Variants in SHANK2 observed in about 807,000 individuals in gnomAD.
SHANK2 encodes SH3 and multiple ankyrin repeat domains protein 2.
Under a neutral mutation model 133.7 loss-of-function variants are expected in SHANK2, and 43 were observed. The observed-to-expected ratio is 0.32, with a 90% CI of 0.25 to 0.41. The LOEUF is 0.41. SHANK2 is among the 10% of genes least tolerant of loss of function. The pLI is 1.00. For synonymous variants in SHANK2, 1,017 were observed against 952.8 expected, an observed-to-expected ratio of 1.07 and a Z score of -1.24; for missense variants, 1,994 against 2,235.8, an observed-to-expected ratio of 0.89 and a Z score of 2.18.
At chr11:70,510,056 G>A (rs1469246877) in intron 17 of SHANK2, among the ~76,000 whole-genome samples, 1 of 152,158 alleles carries the variant, frequency 6.6e-6, no homozygotes, top group Non-Finnish European at 1.5e-5. Flanking sequence ...ATTGTACCAG[G>A]CTTGAGATGG....
At chr11:70,768,531 G>T (rs1277226337) in intron 14 of SHANK2, among the ~76,000 whole-genome samples, 1 of 152,188 alleles carries the variant, frequency 6.6e-6, no homozygotes, top group Non-Finnish European at 1.5e-5. Flanking sequence ...AGCAGAGAGA[G>T]CTGGGTGCCT....
chr11:70,846,194 C>T (rs1034858192), intron 11 of SHANK2, among the ~76,000 whole-genome samples: 1 of 152,106 alleles, frequency 6.6e-6, no homozygotes, highest in African/African-American at 2.4e-5. Flanking sequence ...AACGGAGGCA[C>T]CCCTCTTCTT....
chr11:70,722,007 T>G (rs572406458), intron 14 of SHANK2, among the ~76,000 whole-genome samples: 1 of 152,326 alleles, frequency 6.6e-6, no homozygotes, highest in Non-Finnish European at 1.5e-5. Flanking sequence ...GCACTCAAGG[T>G]GACTGCAGGA....
Position 70,581,686 on chromosome 11 carries a change from GTCAA to G in SHANK2, c.2061+78138_2061+78141del, listed in dbSNP as rs200049317. Among the ~76,000 whole-genome samples, 148 of 152,114 alleles carry G rather than the reference GTCAA, an allele frequency of 9.7e-4. 1 individual carries two copies. Among genetic ancestry groups the G allele is most frequent in the African/African-American group, 3.1e-3 (130 of 41,514 alleles). ...AGCCTGGGTGACCGAGCGAGACTCT[GTCAA>G]TCAATCAATCAATCAATCAATCAAG... On this transcript the variant is annotated intron_variant, in intron 17 of 25. Coordinates refer to ENST00000601538, the MANE Select transcript of SHANK2 (RefSeq NM_012309.5).
At chr11:70,611,271 G>A (rs1280707919) in intron 17 of SHANK2, among the ~76,000 whole-genome samples, 1 of 152,240 alleles carries the variant, frequency 6.6e-6, no homozygotes, top group Non-Finnish European at 1.5e-5. Flanking sequence ...TATCAGTGTT[G>A]CAAAGGGCAT....
intron 22 of SHANK2, among the ~76,000 whole-genome samples, chr11:70,492,045 C>G (rs2135759733): frequency 6.6e-6 from 1 of 152,358 alleles, no homozygotes; most frequent in East Asian, 1.9e-4. Context: ...GTCAAGGCCC[C>G]TTACTTCCAT....
At chr11:70,483,054 C>T (rs1434309022) in intron 25 of SHANK2, among the ~76,000 whole-genome samples, 1 of 152,154 alleles carries the variant, frequency 6.6e-6, no homozygotes, top group Non-Finnish European at 1.5e-5. Context: ...TGCAGGATGC[C>T]CTGCTGACCT....
chr11:70,539,079 G>A (rs1343027634), intron 17 of SHANK2, among the ~76,000 whole-genome samples: 1 of 152,226 alleles, frequency 6.6e-6, no homozygotes, highest in Non-Finnish European at 1.5e-5. Flanking sequence ...TTCTAACAGG[G>A]TGGCTAACTG....
intron 6 of SHANK2, among the ~76,000 whole-genome samples, chr11:71,098,189 G>A (rs782619136): frequency 6.6e-5 from 10 of 150,820 alleles, no homozygotes; most frequent in Non-Finnish European, 1.2e-4. Flanking sequence ...ATGCCTGTGT[G>A]TATGTGTACA....
rs1555148995 is a variant in SHANK2, at chr11:70,472,993, T to G, written c.5426A>C (p.Asp1809Ala). Residue 1809 changes from aspartate (D) to alanine (A), a missense_variant, in exon 26 of 26, where the codon GAC (aspartate) becomes GCC (alanine). Coordinates refer to ENST00000601538, the MANE Select transcript of SHANK2 (RefSeq NM_012309.5). The surrounding 1 kb of genome is among the most constrained non-coding windows in gnomAD (Gnocchi z 4.4). The stretch of plus-strand genomic sequence containing the variant: ...TAAGTGACTGCCATCGATCTCATTG[T>G]CCATGAAGGCCTCTTTATGTTCACC... Reference protein sequence around the residue: ...NLGEHKEAFMDNEIDGSHLPN... With the variant: ...NLGEHKEAFMANEIDGSHLPN... The G allele has an allele frequency of 6.2e-7, 1 of 1,614,238 alleles. No individual in the cohort carries two copies.
chr11:70,841,291 C>A (rs1398820190), intron 11 of SHANK2, among the ~76,000 whole-genome samples: 1 of 152,144 alleles, frequency 6.6e-6, no homozygotes, highest in African/African-American at 2.4e-5. Context: ...GCAATTATCA[C>A]CGCAGTGAAA....
At chr11:70,586,835 G>A (rs2060260873) in intron 17 of SHANK2, among the ~76,000 whole-genome samples, 1 of 152,208 alleles carries the variant, frequency 6.6e-6, no homozygotes, top group African/African-American at 2.4e-5. Context: ...CCCCCAGAGT[G>A]GGCAGAGCCT....
intron 6 of SHANK2, among the ~76,000 whole-genome samples, chr11:71,099,612 C>A (rs1334754828): frequency 6.6e-6 from 1 of 152,068 alleles, no homozygotes. Flanking sequence ...TACAGAGAAC[C>A]CTTAAAACTC....
intron 25 of SHANK2, among the ~76,000 whole-genome samples, chr11:70,475,949 C>T (rs1192832532): frequency 2.6e-5 from 4 of 152,104 alleles, no homozygotes; most frequent in Non-Finnish European, 4.4e-5. Flanking sequence ...AGGCTGCACA[C>T]GGTGGCTCAC....
At chr11:70,896,200 A>C (rs190843044) in intron 11 of SHANK2, among the ~76,000 whole-genome samples, 36 of 152,348 alleles carry the variant, frequency 2.4e-4, no homozygotes, top group Middle Eastern at 3.4e-3. Context: ...TTACTAAATC[A>C]ATGATGTTCA....
chr11:70,703,128 A>G (rs1945575312), intron 14 of SHANK2, among the ~76,000 whole-genome samples: 1 of 152,242 alleles, frequency 6.6e-6, no homozygotes, highest in South Asian at 2.1e-4. Flanking sequence ...CAGTGCTGAC[A>G]GCAACCAATG....
chr11:71,240,621 A>G (rs1453423487), intron 1 of SHANK2, among the ~76,000 whole-genome samples: 2 of 152,194 alleles, frequency 1.3e-5, no homozygotes, highest in African/African-American at 4.8e-5. Flanking sequence ...TAAATTTCCT[A>G]GGAGACACAT....
intron 3 of SHANK2, among the ~76,000 whole-genome samples, chr11:71,145,289 G>C (rs781813594): frequency 1.3e-5 from 2 of 152,122 alleles, no homozygotes; most frequent in Non-Finnish European, 2.9e-5. Flanking sequence ...ACTAAAGAGA[G>C]ATAATGAGCT....
chr11:71,140,322 T>G (rs1432598896), intron 3 of SHANK2, among the ~76,000 whole-genome samples: 1 of 152,202 alleles, frequency 6.6e-6, no homozygotes, highest in Non-Finnish European at 1.5e-5. Flanking sequence ...GTAGGTTAAA[T>G]CTGGGCTGGA....
Sources: allele counts gnomAD v4.1 joint callset (sites outside exome capture counted in the v4.1 genomes callset), GRCh38; gene constraint gnomAD v4.1.1; non-coding constraint Gnocchi (gnomAD v3.1); transcripts MANE v1.5; gene names NCBI Gene and HGNC (gene_info 2026-07-23, HGNC 2026-07-21).